The following SLCO3A1 variants were observed in gnomAD, a reference collection of about 807,000 sequenced individuals.
The protein encoded by SLCO3A1 is solute carrier organic anion transporter family member 3A1, also known as PGE1 transporter.
In SLCO3A1, 27 loss-of-function variants were observed where a neutral mutation model predicts 63.1. The ratio of observed to expected loss-of-function variants is 0.43; its 90% CI spans 0.32 to 0.59. The LOEUF is 0.59. SLCO3A1 is among the 20% of genes least tolerant of loss of function. SLCO3A1 has a pLI of 0.09. For missense variants in SLCO3A1, 773 were observed against 945.8 expected (o/e 0.82, Z 2.40); for synonymous variants, 473 against 409.9 (o/e 1.15, Z -1.86).
intron 9 of SLCO3A1, among the ~76,000 whole-genome samples, chr15:92,160,522 C>T (rs1390559443): frequency 6.6e-6 from 1 of 152,104 alleles, no homozygotes; most frequent in Non-Finnish European, 1.5e-5. Flanking sequence ...GACCACAGCC[C>T]AACCTGGCAG....
At chr15:92,035,634 T>G (rs373979110) in intron 2 of SLCO3A1, among the ~76,000 whole-genome samples, 23 of 151,590 alleles carry the variant, frequency 1.5e-4, no homozygotes, top group African/African-American at 5.3e-4. Flanking sequence ...CTCACATAAT[T>G]GCAACCGTGA....
chr15:91,886,118 C>G lies in SLCO3A1; in HGVS notation c.181-29875C>G, dbSNP rs1395913068. Among the ~76,000 whole-genome samples, 1 of 152,138 alleles carries G rather than the reference C, an allele frequency of 6.6e-6. No homozygotes were observed. Among genetic ancestry groups the G allele is most frequent in the East Asian group, 1.9e-4 (1 of 5,186 alleles). ...ATCTGACTAGTCCATTTCCCTAGTA[C>G]TCCTGCTTACCTCTGCATTTTTGCC... On this transcript the variant is annotated intron_variant, in intron 1 of 9. Coordinates refer to ENST00000318445, the MANE Select transcript of SLCO3A1 (RefSeq NM_013272.4). This position sits in a 1 kb window ranked among gnomAD's most constrained non-coding sequence, Gnocchi z 4.9.
chr15:91,967,391 T>C lies in SLCO3A1; in HGVS notation c.646+50933T>C, dbSNP rs2151426067. Among the ~76,000 whole-genome samples the C allele has an allele frequency of 6.6e-6, 1 of 152,144 alleles. No homozygotes were observed. Among genetic ancestry groups the C allele is most frequent in the African/African-American group, 2.4e-5 (1 of 41,504 alleles). On this transcript the variant is annotated intron_variant, in intron 2 of 9. Transcript: ENST00000318445. This position sits in a 1 kb window ranked among gnomAD's most constrained non-coding sequence, Gnocchi z 4.4. ...ATTAACCCATAAGAGTCCAAATAAC[T>C]CCCCCTGCTTGAAGCTTTATATGGT...
At chr15:92,147,766 C>A (rs928486770) in intron 8 of SLCO3A1, among the ~76,000 whole-genome samples, 5 of 152,170 alleles carry the variant, frequency 3.3e-5, no homozygotes, top group Non-Finnish European at 7.3e-5. Context: ...GGGACCTGTC[C>A]TGGGGATAGG....
Position 92,163,049 on chromosome 15 carries a change from G to C in SLCO3A1, c.2047G>C (p.Val683Leu), listed in dbSNP as rs1184729274. The change falls in exon 10 of 10, where the codon GTG becomes CTG. Residue 683 changes from valine (V) to leucine (L), a missense_variant. Val to Leu is a conservative substitution (Grantham distance 32). Transcript: ENST00000318445. ...LTLDNLGRDP[V>L]PANQTHRTKF... ...CCTAGACAACCTGGGGAGGGACCCTGTGCCCGCAAACCAGACACATAGGAC... is the reference window on the plus strand; with the variant it reads ...CCTAGACAACCTGGGGAGGGACCCTCTGCCCGCAAACCAGACACATAGGAC... The C allele has an allele frequency of 6.3e-7, 1 of 1,584,578 alleles. No homozygotes were observed. Among genetic ancestry groups the C allele is most frequent in the South Asian group, 1.2e-5 (1 of 85,736 alleles).
intron 2 of SLCO3A1, among the ~76,000 whole-genome samples, chr15:92,019,946 CTG>C (rs1480231749): frequency 1.3e-5 from 2 of 152,116 alleles, no homozygotes; most frequent in African/African-American, 4.8e-5. Flanking sequence ...GCAGTGAGGA[CTG>C]TATCAAAGCC....
intron 1 of SLCO3A1, among the ~76,000 whole-genome samples, chr15:91,879,111 C>T (rs1346701133): frequency 1.3e-5 from 2 of 152,190 alleles, no homozygotes; most frequent in African/African-American, 4.8e-5. Flanking sequence ...GGTAAGCACG[C>T]TGAATTCGGC....
intron 8 of SLCO3A1, among the ~76,000 whole-genome samples, chr15:92,147,641 T>C (rs2048245842): frequency 6.6e-6 from 1 of 152,206 alleles, no homozygotes; most frequent in Admixed American, 6.5e-5. Flanking sequence ...TGCAAACACA[T>C]AGAGACTTGA....
intron 1 of SLCO3A1, among the ~76,000 whole-genome samples, chr15:91,903,517 G>A (rs780549814): frequency 6.6e-6 from 1 of 152,152 alleles, no homozygotes; most frequent in Non-Finnish European, 1.5e-5. Context: ...GGGAGCTGTG[G>A]GAGAGCAGGG....
chr15:92,081,291 A>G (rs887193484), intron 2 of SLCO3A1, among the ~76,000 whole-genome samples: 1 of 150,560 alleles, frequency 6.6e-6, no homozygotes, highest in African/African-American at 2.5e-5. Flanking sequence ...TCCCAAATGC[A>G]TTTTGGGTAC....
intron 1 of SLCO3A1, among the ~76,000 whole-genome samples, chr15:91,871,210 A>T (rs1457681172): frequency 1.3e-5 from 2 of 152,094 alleles, no homozygotes; most frequent in Admixed American, 1.3e-4. Flanking sequence ...GTTTCTGTTC[A>T]TGCTTTCTGT....
intron 4 of SLCO3A1, among the ~76,000 whole-genome samples, chr15:92,119,513 C>T (rs1270205809): frequency 1.3e-5 from 2 of 152,056 alleles, no homozygotes; most frequent in Non-Finnish European, 2.9e-5. Context: ...AGAAGAGACC[C>T]GCTAAGGAGA....
chr15:92,125,854 TTA>T (rs978808544), intron 5 of SLCO3A1, among the ~76,000 whole-genome samples: 2 of 151,814 alleles, frequency 1.3e-5, no homozygotes, highest in Non-Finnish European at 2.9e-5. Flanking sequence ...CAGAGTTGCT[TTA>T]TGTCTGTCTC....
At chr15:92,086,145 G>A (rs2047401574) in intron 2 of SLCO3A1, among the ~76,000 whole-genome samples, 1 of 152,176 alleles carries the variant, frequency 6.6e-6, no homozygotes, top group Non-Finnish European at 1.5e-5. Context: ...GCTGTGGGGT[G>A]TTTACCAAGG....
intron 2 of SLCO3A1, among the ~76,000 whole-genome samples, chr15:92,034,388 G>A (rs2046697159): frequency 6.6e-6 from 1 of 151,652 alleles, no homozygotes; most frequent in Non-Finnish European, 1.5e-5. Context: ...TGGAGATACT[G>A]CTGGAACATC....
rs909885667 is a variant in SLCO3A1 at position 92,171,871 on chromosome 15, CCCTCTT to C, written c.*19_*24del. The C allele has an allele frequency of 3.9e-6, 6 of 1,546,596 alleles. No individual in the cohort carries two copies. The South Asian group carries it at 4.8e-5, about 12-fold the overall frequency. ...CCTTTGTGAGAAGCTGAGGGCCTGG[CCCTCTT>C]CCTCTTCCTGGAGAGAACAGCCCAC... On this transcript the variant is annotated 3_prime_UTR_variant, in exon 11 of 11. Transcript: ENST00000424469.
rs927867417 is a variant in SLCO3A1, at chr15:92,165,539, T to C, written c.*2404T>C. On this transcript the variant is annotated 3_prime_UTR_variant, in exon 10 of 10. Coordinates refer to ENST00000318445, the MANE Select transcript of SLCO3A1 (RefSeq NM_013272.4). ...AGAAAGTTTTTTAAACTCTTTGCATTTTGGATTTTTTTTCCTAAGATTTTA... is the reference window on the plus strand; with the variant it reads ...AGAAAGTTTTTTAAACTCTTTGCATCTTGGATTTTTTTTCCTAAGATTTTA... The C allele has an allele frequency of 1.0e-6, 1 of 984,658 alleles. No individual in the cohort carries two copies. The highest frequency in any genetic ancestry group is 1.7e-5 in the African/African-American group (1 of 57,198). The allele number at this position is 984,658 out of a possible 1,614,324, so 61.0% of individuals were successfully genotyped here. A position where few individuals can be genotyped will look rare whatever the true frequency, so the allele number is the denominator to read the frequency against.
At chr15:92,169,648 T>C (rs2151609223), downstream of SLCO3A1, among the ~76,000 whole-genome samples, 1 of 152,316 alleles carries the variant, frequency 6.6e-6, no homozygotes, top group East Asian at 1.9e-4. Context: ...TCCACAGTGC[T>C]GGTCATCGGC....
intron 2 of SLCO3A1, among the ~76,000 whole-genome samples, chr15:91,996,528 C>G (rs2046194040): frequency 1.3e-5 from 2 of 151,814 alleles, no homozygotes; most frequent in South Asian, 4.2e-4. Context: ...AAGTAGATGA[C>G]CAAGAATAAT....
Sources: allele counts gnomAD v4.1 joint callset (sites outside exome capture counted in the v4.1 genomes callset), GRCh38; gene constraint gnomAD v4.1.1; non-coding constraint Gnocchi (gnomAD v3.1); transcripts MANE v1.5; gene names NCBI Gene and HGNC (gene_info 2026-07-23, HGNC 2026-07-21).